Variants in MCM9 observed in about 807,000 individuals in gnomAD.
MCM9 encodes DNA helicase MCM9.
MCM9 carries 55 observed loss-of-function variants against 72.8 expected under a neutral mutation model. The ratio of observed to expected loss-of-function variants is 0.76; its 90% CI spans 0.61 to 0.95. The LOEUF (loss-of-function observed/expected upper bound fraction) is 0.95. Ranked by LOEUF, MCM9 falls within the 40% of genes least tolerant of loss-of-function variation. The probability of loss-of-function intolerance (pLI) is 0.00; values close to 1 mark genes in which losing one functional copy is unlikely to be tolerated. For missense variants in MCM9, 1,279 were observed against 1,377.0 expected (o/e 0.93, Z 1.13); for synonymous variants, 480 against 503.4 (o/e 0.95, Z 0.62).
Position 118,830,862 on chromosome 6 carries a change from C to T in MCM9, c.1326-1612G>A, listed in dbSNP as rs145145848. Among the ~76,000 whole-genome samples, 6 of 152,246 alleles carry T rather than the reference C, an allele frequency of 3.9e-5. No individual in the cohort carries two copies. The East Asian group carries it at 7.7e-4, about 20-fold the overall frequency. ...ATCTCTGCTGCCAATTAGTTTACAA[C>T]AGAACTGCTGGGGAAAGAAGAGGTG... On this transcript the variant is annotated intron_variant, in intron 9 of 13. Coordinates refer to ENST00000619706, the MANE Select transcript of MCM9 (RefSeq NM_017696.3).
chr6:118,891,689 T>C (rs1005803696), intron 8 of MCM9, among the ~76,000 whole-genome samples: 3 of 152,214 alleles, frequency 2.0e-5, no homozygotes, highest in African/African-American at 7.2e-5. Context: ...TCTGAGGTAC[T>C]AGGGATTAGT....
At chr6:118,847,678 A>G (rs1775967180) in intron 9 of MCM9, among the ~76,000 whole-genome samples, 1 of 151,850 alleles carries the variant, frequency 6.6e-6, no homozygotes, top group African/African-American at 2.4e-5. Flanking sequence ...AGTGTCAAAC[A>G]ATCATTCAAT....
intron 6 of MCM9, 40 bp from the exon 7 acceptor site, chr6:118,913,460 C>G (rs1562435483): frequency 5.6e-6 from 9 of 1,610,888 alleles, no homozygotes; most frequent in Non-Finnish European, 7.6e-6. Flanking sequence ...CAATAATTTT[C>G]AAGAAACCCC....
At chr6:118,900,720 A>C in intron 8 of MCM9, 2 of 1,289,454 alleles carry the variant, frequency 1.6e-6, no homozygotes, top group Non-Finnish European at 2.3e-6. Flanking sequence ...TCATCTGGTA[A>C]TGTAATTACT....
In MCM9 at chr6:118,923,947, T is replaced by TGC; in HGVS notation, c.483_484dup (p.Gln162ArgfsTer60). ...GGATGGCCGGCAAAAGGTGTAATAC[T>TGC]GCTCAAAGTCAGCCTTGATCACAAA... On this transcript the variant is annotated frameshift_variant, in exon 4 of 14. Coordinates refer to ENST00000619706, the MANE Select transcript of MCM9 (RefSeq NM_017696.3). LOFTEE classifies it high-confidence loss of function. The TGC allele has an allele frequency of 6.2e-7, 1 of 1,614,260 alleles. No individual in the cohort carries two copies. The highest frequency in any genetic ancestry group is 8.5e-7 in the Non-Finnish European group (1 of 1,180,050).
chr6:118,924,621 G>C (rs979536452), intron 3 of MCM9, among the ~76,000 whole-genome samples: 6 of 152,192 alleles, frequency 3.9e-5, no homozygotes, highest in Non-Finnish European at 7.3e-5. Flanking sequence ...GTCAGACTCA[G>C]AATTTATTAA....
Position 118,814,905 on chromosome 6 carries a change from T to C in MCM9, c.3351A>G (p.Lys1117=). ...GTTCTGGTAAAGTGAAGAGGGATTC[T>C]TTGGAAACAATCAGTTTCTCGGTGG... ...RGSTEKLIVS[K]ESLFTLPELG... is the part of the protein sequence containing the mutation. Residue 1117 remains lysine, a synonymous_variant, in exon 14 of 14, where the codon AAA becomes AAG. Coordinates refer to ENST00000619706, the MANE Select transcript of MCM9 (RefSeq NM_017696.3). The C allele has an allele frequency of 6.5e-7, 1 of 1,549,528 alleles. No homozygotes were observed. Among genetic ancestry groups the C allele is most frequent in the Non-Finnish European group, 8.7e-7 (1 of 1,146,526 alleles).
At chr6:118,894,204 T>G in intron 8 of MCM9, 1 of 1,383,040 alleles carries the variant, frequency 7.2e-7, no homozygotes, top group Non-Finnish European at 9.3e-7. Context: ...CAGAGCAGAA[T>G]GGGCTGTAGT....
At chr6:118,867,411 TA>T (rs1196118623) in intron 8 of MCM9, among the ~76,000 whole-genome samples, 1 of 152,218 alleles carries the variant, frequency 6.6e-6, no homozygotes, top group East Asian at 1.9e-4. Flanking sequence ...GTTAGTCATA[TA>T]AAAGTGTACA....
chr6:118,824,534 C>T (rs1043266816), intron 13 of MCM9, among the ~76,000 whole-genome samples: 1 of 152,140 alleles, frequency 6.6e-6, no homozygotes, highest in Admixed American at 6.6e-5. Context: ...GTCTTGAACT[C>T]CTGACCTCAA....
At chr6:118,883,080 A>G (rs1778395333) in intron 8 of MCM9, among the ~76,000 whole-genome samples, 1 of 150,414 alleles carries the variant, frequency 6.6e-6, no homozygotes. Flanking sequence ...AAAAAAAAAA[A>G]AAAAAAAAGG....
intron 8 of MCM9, among the ~76,000 whole-genome samples, chr6:118,906,047 G>A (rs1177529231): frequency 6.6e-6 from 1 of 152,076 alleles, no homozygotes; most frequent in Non-Finnish European, 1.5e-5. Context: ...CAGACACCTT[G>A]AGCATTTCTG....
intron 6 of MCM9, among the ~76,000 whole-genome samples, chr6:118,914,657 T>C (rs1780799033): frequency 6.6e-6 from 1 of 152,160 alleles, no homozygotes; most frequent in Admixed American, 6.5e-5. Context: ...GGTAGGTAAA[T>C]TGTGACCAGA....
intron 8 of MCM9, among the ~76,000 whole-genome samples, chr6:118,890,457 T>A (rs1778870220): frequency 6.6e-6 from 1 of 151,884 alleles, no homozygotes; most frequent in Admixed American, 6.5e-5. Flanking sequence ...AAGAAAACAT[T>A]TTTTCTTTTG....
chr6:118,836,540 T>A (rs913791727), intron 9 of MCM9, among the ~76,000 whole-genome samples: 28 of 152,238 alleles, frequency 1.8e-4, no homozygotes, highest in Non-Finnish European at 3.7e-4. Flanking sequence ...ATTGGTCTAT[T>A]CAGGTATTCG....
chr6:118,872,192 G>A (rs749870244), intron 8 of MCM9, among the ~76,000 whole-genome samples: 6 of 150,230 alleles, frequency 4.0e-5, no homozygotes, highest in East Asian at 2.0e-4. Flanking sequence ...GGTGGTGGGC[G>A]CCTGTAGTCC....
intron 8 of MCM9, among the ~76,000 whole-genome samples, chr6:118,901,320 G>A (rs1045904968): frequency 6.6e-6 from 1 of 152,194 alleles, no homozygotes; most frequent in African/African-American, 2.4e-5. Context: ...TGATGGTGAT[G>A]TAACAAAAAC....
intron 13 of MCM9, among the ~76,000 whole-genome samples, chr6:118,818,532 C>G (rs1369684664): frequency 6.6e-6 from 1 of 152,140 alleles, no homozygotes; most frequent in Non-Finnish European, 1.5e-5. Context: ...GTTACTGTAG[C>G]CTGCAGTATA....
intron 6 of MCM9, among the ~76,000 whole-genome samples, chr6:118,914,791 G>T (rs759604908): frequency 4.6e-5 from 7 of 152,152 alleles, no homozygotes; most frequent in Non-Finnish European, 8.8e-5. Context: ...GTAACATGCT[G>T]ATGGGAAGCA....
Sources: gnomAD v4.1 joint callset for allele counts (sites outside exome capture counted in the v4.1 genomes callset) on GRCh38, gnomAD v4.1.1 for gene constraint, MANE v1.5 for transcripts, NCBI Gene and HGNC (gene_info 2026-07-23, HGNC 2026-07-21) for gene names.